Variants in NTM observed in about 807,000 individuals in gnomAD.
NTM encodes neurotrimin.
NTM carries 13 observed loss-of-function variants against 42.1 expected under a neutral mutation model. The observed-to-expected ratio is 0.31, with a 90% CI of 0.20 to 0.49. The LOEUF (loss-of-function observed/expected upper bound fraction) is 0.49, where lower values mean the gene tolerates loss of function less well. Ranked by LOEUF, NTM falls within the 20% of genes least tolerant of loss-of-function variation. NTM has a pLI of 0.99. For missense variants in NTM, 373 were observed against 452.8 expected (o/e 0.82, Z 1.60); for synonymous variants, 187 against 179.2 (o/e 1.04, Z -0.35).
At chr11:132,275,259 A>G (rs1330277178) in intron 4 of NTM, among the ~76,000 whole-genome samples, 1 of 152,054 alleles carries the variant, frequency 6.6e-6, no homozygotes, top group South Asian at 2.1e-4. Flanking sequence ...TCTGATTCAG[A>G]TATCCAGTCA....
chr11:131,932,345 C>T (rs573474708), intron 2 of NTM, among the ~76,000 whole-genome samples: 8 of 152,208 alleles, frequency 5.3e-5, no homozygotes, highest in South Asian at 2.1e-4. Flanking sequence ...CCTTGCTTAT[C>T]GGTATAGTTT....
At chr11:131,805,497 A>G (rs1304387135) in intron 1 of NTM, among the ~76,000 whole-genome samples, 2 of 152,230 alleles carry the variant, frequency 1.3e-5, no homozygotes, top group African/African-American at 4.8e-5. Context: ...CGATTATATT[A>G]GAATTTGGAT....
chr11:131,421,423 A>T (rs1360252008), intron 1 of NTM, among the ~76,000 whole-genome samples: 3 of 152,190 alleles, frequency 2.0e-5, no homozygotes, highest in Admixed American at 1.3e-4. Flanking sequence ...CATCAGAGGG[A>T]TGCTGAAGGT....
At chr11:131,755,911 G>A (rs758040382) in intron 1 of NTM, among the ~76,000 whole-genome samples, 5 of 152,196 alleles carry the variant, frequency 3.3e-5, no homozygotes, top group Non-Finnish European at 5.9e-5. Context: ...GGCAATAGAA[G>A]CATTAGCTTC....
At chr11:131,679,082 C>T (rs1040595105) in intron 1 of NTM, among the ~76,000 whole-genome samples, 3 of 152,214 alleles carry the variant, frequency 2.0e-5, no homozygotes, top group Non-Finnish European at 4.4e-5. Context: ...TCCATTCATG[C>T]TCTGTGCCCA....
chr11:132,231,666 G>T (rs374203383), intron 4 of NTM, among the ~76,000 whole-genome samples: 1 of 152,008 alleles, frequency 6.6e-6, no homozygotes, highest in East Asian at 1.9e-4. Context: ...TATGTTTTTC[G>T]TCATTGCTGG....
intron 1 of NTM, among the ~76,000 whole-genome samples, chr11:131,408,451 A>G (rs1346952134): frequency 3.3e-5 from 5 of 152,248 alleles, no homozygotes; most frequent in Admixed American, 6.5e-5. Context: ...TGAAAACTGT[A>G]TAACATTTAT....
At chr11:132,177,091 A>G (rs1042860032) in intron 3 of NTM, among the ~76,000 whole-genome samples, 1 of 152,190 alleles carries the variant, frequency 6.6e-6, no homozygotes, top group Non-Finnish European at 1.5e-5. Context: ...GACACATTAC[A>G]GGAGAATGCT....
intron 1 of NTM, among the ~76,000 whole-genome samples, chr11:131,385,710 A>G (rs1943232545): frequency 6.6e-6 from 1 of 152,302 alleles, no homozygotes; most frequent in African/African-American, 2.4e-5. Context: ...TTTTAAAATT[A>G]TCCAGGCGCA....
At chr11:131,791,129 C>T (rs1290269512) in intron 1 of NTM, among the ~76,000 whole-genome samples, 1 of 152,126 alleles carries the variant, frequency 6.6e-6, no homozygotes, top group African/African-American at 2.4e-5. Context: ...TTTGTCTCTC[C>T]AAGTCCAATG....
At chr11:131,437,133 A>G (rs1057233431) in intron 1 of NTM, among the ~76,000 whole-genome samples, 1 of 152,182 alleles carries the variant, frequency 6.6e-6, no homozygotes, top group African/African-American at 2.4e-5. Context: ...ATTTGATTGC[A>G]CTGTGGTCTG....
At chr11:132,207,453 A>G (rs2082162370) in intron 3 of NTM, among the ~76,000 whole-genome samples, 3 of 152,202 alleles carry the variant, frequency 2.0e-5, no homozygotes, top group South Asian at 4.1e-4. Context: ...CTGATCCTAC[A>G]TTATGGTGAG....
intron 1 of NTM, among the ~76,000 whole-genome samples, chr11:131,670,569 C>T (rs2069995762): frequency 6.6e-6 from 1 of 152,164 alleles, no homozygotes; most frequent in Admixed American, 6.5e-5. Context: ...TGCTCAGTCT[C>T]TACCTGGAAT....
chr11:131,783,697 A>C (rs1296872034), intron 1 of NTM, among the ~76,000 whole-genome samples: 1 of 152,208 alleles, frequency 6.6e-6, no homozygotes, highest in Non-Finnish European at 1.5e-5. Context: ...TAGAAAAAAA[A>C]TACGAGAAAA....
At chr11:131,373,183 A>G (rs1941456896) in intron 1 of NTM, among the ~76,000 whole-genome samples, 1 of 152,180 alleles carries the variant, frequency 6.6e-6, no homozygotes, top group African/African-American at 2.4e-5. Flanking sequence ...AAGGAAGCTG[A>G]AGTCTGCCAG....
intron 1 of NTM, among the ~76,000 whole-genome samples, chr11:131,837,064 A>G (rs1344587225): frequency 6.6e-6 from 1 of 152,236 alleles, no homozygotes; most frequent in Non-Finnish European, 1.5e-5. Context: ...ACTTTAGATT[A>G]CAGACAAAAC....
chr11:132,031,024 G>T (rs766687111), intron 2 of NTM, among the ~76,000 whole-genome samples: 1 of 152,114 alleles, frequency 6.6e-6, no homozygotes, highest in Non-Finnish European at 1.5e-5. Flanking sequence ...GAACACCAGG[G>T]CGCAAAATGA....
At chr11:132,202,296 T>C (rs142165508) in intron 3 of NTM, among the ~76,000 whole-genome samples, 5 of 152,276 alleles carry the variant, frequency 3.3e-5, no homozygotes, top group African/African-American at 4.8e-5. Context: ...GAGCAGCAAA[T>C]GTGGAACACC....
chr11:132,138,755 T>A (rs2068495823), intron 2 of NTM, among the ~76,000 whole-genome samples: 1 of 151,872 alleles, frequency 6.6e-6, no homozygotes, highest in Non-Finnish European at 1.5e-5. Context: ...GCTGGAAGAG[T>A]GAAGTGCCCT....
Sources: gnomAD v4.1 joint callset for allele counts (sites outside exome capture counted in the v4.1 genomes callset) on GRCh38, gnomAD v4.1.1 for gene constraint, MANE v1.5 for transcripts, NCBI Gene and HGNC (gene_info 2026-07-23, HGNC 2026-07-21) for gene names.